The following COL16A1 variants were observed in gnomAD, a reference collection of about 807,000 sequenced individuals.
COL16A1 encodes the protein collagen alpha-1(XVI) chain.
Under a neutral mutation model 266.3 loss-of-function variants are expected in COL16A1, and 189 were observed. The ratio of observed to expected loss-of-function variants is 0.71; its 90% CI spans 0.63 to 0.80. COL16A1 has a LOEUF of 0.80. Ranked by LOEUF, COL16A1 falls within the 30% of genes least tolerant of loss-of-function variation. The pLI, the probability that COL16A1 is intolerant of heterozygous loss-of-function variation, is 0.00. For missense variants in COL16A1, 1,928 were observed against 2,122.4 expected, an observed-to-expected ratio of 0.91 and a Z score of 1.80; for synonymous variants, 740 against 782.3, an observed-to-expected ratio of 0.95 and a Z score of 0.90.
intron 55 of COL16A1, 46 bp from the exon 56 acceptor site, chr1:31,665,280 G>A: frequency 1.3e-6 from 2 of 1,575,114 alleles, no homozygotes; most frequent in Non-Finnish European, 1.7e-6. Flanking sequence ...GGGCTGGAGG[G>A]GGAGCTCCCC....
In COL16A1 at chr1:31,670,287, A is replaced by C. The variant is rs560964116; in HGVS notation, c.3195+315T>G. On this transcript the variant is annotated intron_variant, in intron 49 of 70. Transcript: ENST00000373672. The surrounding 1 kb of genome is among the most constrained non-coding windows in gnomAD (Gnocchi z 4.5). ...CACCAGCTTAAGAGGAAGGTTCACG[A>C]GCTCAGGAGGACTTGGGGGAGTGCT... The C allele has an allele frequency of 5.3e-5, 18 of 336,758 alleles. 1 individual carries two copies. In the East Asian group the frequency reaches 7.0e-4, roughly 13 times the overall value. The allele number at this position is 336,758 out of a possible 1,614,324, so 20.9% of individuals were successfully genotyped here.
At chr1:31,700,708 A>G (rs1644694656) in intron 2 of COL16A1, among the ~76,000 whole-genome samples, 1 of 152,200 alleles carries the variant, frequency 6.6e-6, no homozygotes, top group South Asian at 2.1e-4. Flanking sequence ...CTACATCCAA[A>G]TCAGACAAGC....
Position 31,697,424 on chromosome 1 carries a change from TG to T in COL16A1, c.658-125del. The T allele has an allele frequency of 1.1e-6, 1 of 950,404 alleles. No individual in the cohort carries two copies. The highest frequency in any genetic ancestry group is 1.7e-5 in the South Asian group (1 of 59,040). 58.9% of individuals were successfully genotyped at this position (950,404 alleles called of 1,614,324 possible). A position where few individuals can be genotyped will look rare whatever the true frequency, so the allele number is the denominator to read the frequency against. On this transcript the variant is annotated intron_variant, in intron 6 of 70. Coordinates refer to ENST00000373672, the MANE Select transcript of COL16A1 (RefSeq NM_001856.4). The surrounding 1 kb of genome is among the most constrained non-coding windows in gnomAD (Gnocchi z 4.2). ...ACCTCAGGGTGTTTCCAGTCTGGCCTGGGAGACATCAAAAATAGAGTTGTCA... is the reference window on the plus strand; with the variant it reads ...ACCTCAGGGTGTTTCCAGTCTGGCCTGGAGACATCAAAAATAGAGTTGTCA...
Position 31,663,849 on chromosome 1 carries a change from G to C in COL16A1, c.3556-1191C>G, listed in dbSNP as rs867418485. Among the ~76,000 whole-genome samples, 42 of 152,256 alleles carry C rather than the reference G, an allele frequency of 2.8e-4. No individual in the cohort carries two copies. The highest frequency in any genetic ancestry group is 3.4e-3 in the Middle Eastern group (1 of 294). On this transcript the variant is annotated intron_variant, in intron 56 of 70. Coordinates refer to ENST00000373672, the MANE Select transcript of COL16A1 (RefSeq NM_001856.4). This position sits in a 1 kb window ranked among gnomAD's most constrained non-coding sequence, Gnocchi z 4.9. ...GATTGGAATGTTTACCAGAAAAGGC[G>C]GGGGGAGGCAAGCAGCATAGCGGGG...
intron 37 of COL16A1, among the ~76,000 whole-genome samples, chr1:31,682,067 C>G (rs1643686372): frequency 6.6e-6 from 1 of 152,210 alleles, no homozygotes; most frequent in Non-Finnish European, 1.5e-5. Flanking sequence ...CGCATTTGCC[C>G]ACCGCCTGGC....
chr1:31,662,734 G>A (rs945266368), intron 56 of COL16A1, 76 bp from the exon 57 acceptor site: 2 of 1,417,008 alleles, frequency 1.4e-6, no homozygotes, highest in South Asian at 2.6e-5. Context: ...TGGAGACCAG[G>A]CCCTGGGTCA....
At chr1:31,672,573 G>A (rs1312100591) in intron 46 of COL16A1, 23 bp downstream of exon 46, 1 of 1,610,644 alleles carries the variant, frequency 6.2e-7, no homozygotes. Context: ...GCATGATCGG[G>A]GGAGATAAGG....
At chr1:31,679,078 C>A (rs1259694901) in intron 42 of COL16A1, among the ~76,000 whole-genome samples, 8 of 152,194 alleles carry the variant, frequency 5.3e-5, no homozygotes, top group Admixed American at 5.2e-4. Flanking sequence ...TTTGCAAATA[C>A]TTCTCCTGCC....
At chr1:31,682,160 T>C (rs1249007743) in intron 37 of COL16A1, among the ~76,000 whole-genome samples, 1 of 152,210 alleles carries the variant, frequency 6.6e-6, no homozygotes, top group African/African-American at 2.4e-5. Context: ...CGGGTTCATG[T>C]GGAGTAGAAG....
chr1:31,691,401 G>T lies in COL16A1; in HGVS notation c.1398+16C>A. Reference sequence around the variant, plus strand: ...CTCTGAGAAAAGCACAGCAGGAGAAGCAAGGGGGTACTCACCGGGGTCCCA... The same window carrying T: ...CTCTGAGAAAAGCACAGCAGGAGAATCAAGGGGGTACTCACCGGGGTCCCA... On this transcript the variant is annotated intron_variant, in intron 19 of 70. Transcript: ENST00000373672. 6.2e-7 allele frequency: 1 copy of T among 1,604,134 alleles called. No individual in the cohort carries two copies. The highest frequency in any genetic ancestry group is 8.5e-7 in the Non-Finnish European group (1 of 1,174,332).
At chr1:31,676,810 C>T (rs547314056) in intron 42 of COL16A1, among the ~76,000 whole-genome samples, 15 of 152,336 alleles carry the variant, frequency 9.8e-5, no homozygotes, top group African/African-American at 3.1e-4. Context: ...GCAGTAAGTA[C>T]GTGTTGAGTG....
intron 36 of COL16A1, 92 bp from the exon 37 acceptor site, chr1:31,683,094 G>A (rs1643760776): frequency 6.2e-7 from 1 of 1,608,322 alleles, no homozygotes; most frequent in African/African-American, 1.3e-5. Flanking sequence ...ATCTTAGGCA[G>A]CCCTCTGATA....
intron 8 of COL16A1, 23 bp downstream of exon 8, chr1:31,696,940 A>G: frequency 6.2e-7 from 1 of 1,613,026 alleles, no homozygotes; most frequent in Non-Finnish European, 8.5e-7. Flanking sequence ...CTGTGCTGGC[A>G]TCCACCTGTC....
intron 37 of COL16A1, among the ~76,000 whole-genome samples, chr1:31,682,170 G>A (rs1013406446): frequency 1.3e-4 from 20 of 152,326 alleles, no homozygotes; most frequent in African/African-American, 3.8e-4. Context: ...TGGAGTAGAA[G>A]CTGACGACTA....
Position 31,685,994 on chromosome 1 carries a change from A to G in COL16A1, c.1884+97T>C. The G allele has an allele frequency of 6.4e-7, 1 of 1,556,664 alleles. No homozygotes were observed. Among genetic ancestry groups the G allele is most frequent in the Non-Finnish European group, 8.7e-7 (1 of 1,147,516 alleles). ...TAAGGAGTCAGACTCTGCCCGACAG[A>G]CAGCAAGGAGCCCCAGAGGGTTCGA... On this transcript the variant is annotated intron_variant, in intron 28 of 70. Coordinates refer to ENST00000373672, the MANE Select transcript of COL16A1 (RefSeq NM_001856.4). The surrounding 1 kb of genome is among the most constrained non-coding windows in gnomAD (Gnocchi z 4.0).
At chr1:31,689,012 G>C (rs1644127972) in intron 24 of COL16A1, 38 bp downstream of exon 24, 2 of 1,614,028 alleles carry the variant, frequency 1.2e-6, no homozygotes, top group Non-Finnish European at 1.7e-6. Flanking sequence ...CTTCCAGGTA[G>C]GCAGAGGAGG....
At chr1:31,699,678 C>T (rs1644647054) in intron 4 of COL16A1, 135 bp downstream of exon 4, 3 of 667,348 alleles carry the variant, frequency 4.5e-6, no homozygotes, top group Admixed American at 2.5e-5. Context: ...GGGTGGAGAC[C>T]AGGTTGACTC....
intron 69 of COL16A1, 95 bp downstream of exon 69, chr1:31,653,772 C>CACAT: frequency 1.3e-6 from 2 of 1,557,248 alleles, no homozygotes; most frequent in Non-Finnish European, 1.7e-6. Flanking sequence ...CACACACACA[C>CACAT]ACATACATCC....
chr1:31,680,809 AG>A, intron 39 of COL16A1, 95 bp downstream of exon 39: 1 of 1,599,424 alleles, frequency 6.3e-7, no homozygotes, highest in Non-Finnish European at 8.5e-7. Context: ...GGAAGGCTGG[AG>A]GGGCTGCTAA....
Sources: allele counts gnomAD v4.1 joint callset (sites outside exome capture counted in the v4.1 genomes callset), GRCh38; gene constraint gnomAD v4.1.1; non-coding constraint Gnocchi (gnomAD v3.1); transcripts MANE v1.5; gene names NCBI Gene and HGNC (gene_info 2026-07-23, HGNC 2026-07-21).